DNAH11: variants seen among roughly 807,000 people sequenced by gnomAD.
DNAH11 encodes dynein axonemal heavy chain 11.
DNAH11 carries 442 observed loss-of-function variants against 526.0 expected under a neutral mutation model. The ratio of observed to expected loss-of-function variants is 0.84; its 90% CI spans 0.78 to 0.91. DNAH11 has a LOEUF of 0.91. Among genes scored for constraint, DNAH11 ranks in the 40% least tolerant of loss-of-function variants. The pLI, the probability that DNAH11 is intolerant of heterozygous loss-of-function variation, is 0.00. For missense variants in DNAH11, 6,989 were observed against 5,448.7 expected, an observed-to-expected ratio of 1.28 and a Z score of -8.90; for synonymous variants, 2,461 against 1,935.9, an observed-to-expected ratio of 1.27 and a Z score of -7.12.
intron 2 of DNAH11, among the ~76,000 whole-genome samples, chr7:21,553,168 C>T (rs1236470397): frequency 1.7e-5 from 2 of 119,598 alleles, no homozygotes; most frequent in African/African-American, 6.4e-5. Flanking sequence ...GTTGCCTTTT[C>T]TAACCCAAAC....
intron 61 of DNAH11, among the ~76,000 whole-genome samples, chr7:21,792,179 A>T (rs1788505294): frequency 6.6e-6 from 1 of 152,148 alleles, no homozygotes; most frequent in African/African-American, 2.4e-5. Flanking sequence ...ATGATCATAC[A>T]GTTTTTGTTC....
chr7:21,781,121 T>C (rs1210524625), intron 57 of DNAH11, among the ~76,000 whole-genome samples: 1 of 152,236 alleles, frequency 6.6e-6, no homozygotes, highest in Non-Finnish European at 1.5e-5. Flanking sequence ...ATGTGCTAGA[T>C]ACTATGCTAT....
intron 46 of DNAH11, among the ~76,000 whole-genome samples, chr7:21,738,058 A>T (rs1785694223): frequency 6.6e-6 from 1 of 152,232 alleles, no homozygotes. Context: ...CAAAATACTT[A>T]TAGTCTGTTT....
At position 21,808,059 on chromosome 7, in the gene DNAH11, G is replaced by A. The variant is rs767044449; in HGVS notation, c.10332+10G>A. The A allele has an allele frequency of 1.4e-6, 2 of 1,461,062 alleles. No homozygotes were observed. 90.5% of individuals were successfully genotyped at this position (1,461,062 alleles called of 1,614,324 possible). On this transcript the variant is annotated intron_variant, in intron 63 of 81. Coordinates refer to ENST00000409508, the MANE Select transcript of DNAH11 (RefSeq NM_001277115.2). ...CTTTCTTCAACAGAAGGTAAGTTCA[G>A]TTCCTTACCTTGTCAGCAGGTAGAA...
At chr7:21,764,357 C>A (rs1175741879) in intron 54 of DNAH11, among the ~76,000 whole-genome samples, 1 of 152,044 alleles carries the variant, frequency 6.6e-6, no homozygotes, top group Non-Finnish European at 1.5e-5. Flanking sequence ...TAAAAAAAAT[C>A]ACATCCTTTG....
chr7:21,693,015 A>G (rs1248190165), intron 35 of DNAH11, among the ~76,000 whole-genome samples: 6 of 152,218 alleles, frequency 3.9e-5, no homozygotes, highest in Non-Finnish European at 7.3e-5. Context: ...TGTTAGATAC[A>G]TACATTGCAA....
In DNAH11 at chr7:21,544,768, C is replaced by G. The variant is rs1395138247; in HGVS notation, c.352-238C>G. Among the ~76,000 whole-genome samples the G allele has an allele frequency of 2.0e-5, 3 of 151,852 alleles. No homozygotes were observed. The East Asian group carries it at 5.8e-4, about 29-fold the overall frequency. ...ATAATGAACTGGTATAATTGGCATG[C>G]CTTTAAAAGGTGATATTTCCACACC... On this transcript the variant is annotated intron_variant, in intron 1 of 81. Transcript: ENST00000409508.
At chr7:21,688,647 G>A (rs1397945175) in intron 34 of DNAH11, among the ~76,000 whole-genome samples, 4 of 152,166 alleles carry the variant, frequency 2.6e-5, no homozygotes, top group Admixed American at 2.6e-4. Context: ...AAAAATCTTA[G>A]TCCTTCCACC....
At chr7:21,830,492 C>T (rs1229070566) in intron 65 of DNAH11, among the ~76,000 whole-genome samples, 1 of 152,136 alleles carries the variant, frequency 6.6e-6, no homozygotes, top group African/African-American at 2.4e-5. Context: ...TCTCAGTACC[C>T]TCTTGTGATA....
chr7:21,616,360 A>C, intron 22 of DNAH11, 68 bp downstream of exon 22: 1 of 1,260,300 alleles, frequency 7.9e-7, no homozygotes, highest in South Asian at 1.3e-5. Flanking sequence ...ATCTTCCCTA[A>C]TCTAGTATCT....
At chr7:21,714,224 A>G (rs556603438) in intron 42 of DNAH11, among the ~76,000 whole-genome samples, 86 of 152,332 alleles carry the variant, frequency 5.6e-4, no homozygotes, top group African/African-American at 2.0e-3. Context: ...TTATATTCCT[A>G]AGAGAGTTAA....
intron 10 of DNAH11, 138 bp from the exon 11 acceptor site, chr7:21,588,374 C>T (rs59780728): frequency 7.5e-7 from 1 of 1,328,624 alleles, no homozygotes; most frequent in East Asian, 2.3e-5. Context: ...GACTGTAACT[C>T]TTCTAGTAAT....
intron 35 of DNAH11, among the ~76,000 whole-genome samples, chr7:21,693,041 A>G (rs1166087988): frequency 1.3e-5 from 2 of 152,142 alleles, no homozygotes; most frequent in African/African-American, 2.4e-5. Context: ...TTTTCTCTCA[A>G]TTTGTGGCTT....
intron 18 of DNAH11, among the ~76,000 whole-genome samples, chr7:21,601,984 A>G (rs914134872): frequency 5.9e-5 from 9 of 151,934 alleles, no homozygotes; most frequent in Admixed American, 2.0e-4. Context: ...TTTTCATTCA[A>G]AAAAACTACC....
chr7:21,653,438 C>G (rs1456712787), intron 28 of DNAH11, among the ~76,000 whole-genome samples: 1 of 152,120 alleles, frequency 6.6e-6, no homozygotes, highest in African/African-American at 2.4e-5. Flanking sequence ...GTTTCCTGGT[C>G]ATTGAGTTAC....
intron 65 of DNAH11, among the ~76,000 whole-genome samples, chr7:21,825,616 CT>C (rs11375499): frequency 0.028 from 4,035 of 146,696 alleles, 183 homozygotes; most frequent in African/African-American, 0.09. Context: ...TTCCTGCCTC[CT>C]TTTTTTTTTT....
chr7:21,772,806 C>T (rs1346782607), intron 55 of DNAH11, among the ~76,000 whole-genome samples: 1 of 152,160 alleles, frequency 6.6e-6, no homozygotes, highest in South Asian at 2.1e-4. Context: ...AGACATTGTT[C>T]AGGAGCAGTT....
intron 65 of DNAH11, among the ~76,000 whole-genome samples, chr7:21,827,045 C>T (rs892925907): frequency 6.6e-6 from 1 of 152,160 alleles, no homozygotes; most frequent in Admixed American, 6.5e-5. Flanking sequence ...CTGACAGCTC[C>T]CTGTGGACCA....
chr7:21,572,303 T>G (rs1783924226), intron 8 of DNAH11, among the ~76,000 whole-genome samples: 1 of 152,224 alleles, frequency 6.6e-6, no homozygotes, highest in Admixed American at 6.5e-5. Flanking sequence ...ATTTTAGCAT[T>G]TTCTTGAATC....
Sources: allele counts gnomAD v4.1 joint callset (sites outside exome capture counted in the v4.1 genomes callset), GRCh38; gene constraint gnomAD v4.1.1; transcripts MANE v1.5; gene names NCBI Gene and HGNC (gene_info 2026-07-23, HGNC 2026-07-21).